The following DENND4C variants were observed in gnomAD, a reference collection of about 807,000 sequenced individuals.
DENND4C encodes the protein DENN domain-containing protein 4C.
DENND4C carries 108 observed loss-of-function variants against 203.0 expected under a neutral mutation model. The observed-to-expected ratio is 0.53, with a 90% CI of 0.46 to 0.62. The LOEUF (loss-of-function observed/expected upper bound fraction) is 0.62. DENND4C is among the 20% of genes least tolerant of loss of function. DENND4C has a pLI of 0.00. For missense variants in DENND4C, 2,481 were observed against 2,301.2 expected (o/e 1.08, Z -1.60); for synonymous variants, 871 against 792.4 (o/e 1.10, Z -1.67).
At position 19,373,993 on chromosome 9, in the gene DENND4C, T is replaced by C. The variant is rs1298543057; in HGVS notation, c.*1820T>C. On this transcript the variant is annotated 3_prime_UTR_variant, in exon 33 of 33. Transcript: ENST00000434457. ...TTTCATTACCTTCAAAATGGATCTT[T>C]TGCACTGTCTGAGAGTATATATTTT... 6.6e-6 allele frequency among the ~76,000 whole-genome samples: 1 copy of C among 152,184 alleles called. No individual in the cohort carries two copies. The highest frequency in any genetic ancestry group is 2.4e-5 in the African/African-American group (1 of 41,462).
intron 10 of DENND4C, among the ~76,000 whole-genome samples, chr9:19,312,366 G>C (rs145901196): frequency 6.6e-6 from 1 of 152,134 alleles, no homozygotes; most frequent in Non-Finnish European, 1.5e-5. Flanking sequence ...GCCTCCCAAA[G>C]TGCTGGGATT....
Position 19,299,733 on chromosome 9 carries a change from C to A in DENND4C, c.1166+446C>A, listed in dbSNP as rs73645587. Among the ~76,000 whole-genome samples, 1,091 of 152,236 alleles carry A rather than the reference C, an allele frequency of 7.2e-3. 9 individuals are homozygous for A. The highest frequency in any genetic ancestry group is 0.025 in the African/African-American group (1,018 of 41,538). ...TATCTTCCTTTAGTTCTTTATCCAC[C>A]CTGTAGCCAGTGTGTCCTTTTGAAA... On this transcript the variant is annotated intron_variant, in intron 8 of 32. Coordinates refer to ENST00000434457, the MANE Select transcript of DENND4C (RefSeq NM_001330640.2).
intron 1 of DENND4C, among the ~76,000 whole-genome samples, chr9:19,257,522 C>G (rs1292608910): frequency 1.3e-5 from 2 of 151,918 alleles, no homozygotes; most frequent in Admixed American, 1.3e-4. Context: ...AAATTAAACT[C>G]TACATAAGCA....
intron 1 of DENND4C, among the ~76,000 whole-genome samples, chr9:19,265,903 A>T (rs1237011649): frequency 6.6e-6 from 1 of 152,182 alleles, no homozygotes; most frequent in Non-Finnish European, 1.5e-5. Flanking sequence ...GAATAGTGCC[A>T]CAGTAAACAT....
chr9:19,360,054 G>T (rs1474551247), intron 28 of DENND4C, among the ~76,000 whole-genome samples, 190 bp from the exon 29 acceptor site: 1 of 152,054 alleles, frequency 6.6e-6, no homozygotes, highest in East Asian at 1.9e-4. Context: ...CTTTTGTAAT[G>T]ATTTAACTTA....
intron 32 of DENND4C, 79 bp from the exon 33 acceptor site, chr9:19,371,958 T>G: frequency 6.9e-7 from 1 of 1,445,446 alleles, no homozygotes; most frequent in Non-Finnish European, 9.5e-7. Context: ...ACATATAATT[T>G]GACTCAATAC....
At chr9:19,248,352 C>T (rs1176363954) in intron 1 of DENND4C, among the ~76,000 whole-genome samples, 2 of 151,960 alleles carry the variant, frequency 1.3e-5, no homozygotes, top group African/African-American at 4.8e-5. Context: ...GATTTGCTTG[C>T]TCCTTCATGC....
At chr9:19,261,840 C>A (rs1472055172) in intron 1 of DENND4C, among the ~76,000 whole-genome samples, 1 of 151,828 alleles carries the variant, frequency 6.6e-6, no homozygotes, top group Non-Finnish European at 1.5e-5. Context: ...TCTTTAATTT[C>A]TTGCATCAAT....
At chr9:19,265,682 C>T (rs1414365311) in intron 1 of DENND4C, among the ~76,000 whole-genome samples, 1 of 152,128 alleles carries the variant, frequency 6.6e-6, no homozygotes, top group African/African-American at 2.4e-5. Context: ...CAATTCCCAC[C>T]TATAAGTGAG....
chr9:19,242,170 T>C (rs943043614), intron 1 of DENND4C, among the ~76,000 whole-genome samples: 2 of 152,208 alleles, frequency 1.3e-5, no homozygotes, highest in African/African-American at 4.8e-5. Flanking sequence ...ATTGAAATCA[T>C]ATAGTATGTA....
chr9:19,282,134 T>C (rs1834171659), intron 2 of DENND4C, among the ~76,000 whole-genome samples: 1 of 141,562 alleles, frequency 7.1e-6, no homozygotes, highest in Non-Finnish European at 1.6e-5. Context: ...TTTTGATTCT[T>C]TTGTAATAAT....
intron 30 of DENND4C, among the ~76,000 whole-genome samples, chr9:19,369,217 C>A (rs975114762): frequency 6.6e-6 from 1 of 152,138 alleles, no homozygotes; most frequent in African/African-American, 2.4e-5. Context: ...TAGACAACTC[C>A]TCTGTCATCA....
intron 31 of DENND4C, among the ~76,000 whole-genome samples, chr9:19,371,120 G>A (rs1004922904): frequency 3.4e-5 from 5 of 147,696 alleles, no homozygotes; most frequent in South Asian, 2.2e-4. Flanking sequence ...TCAGCCTTAC[G>A]TCTTTTTTTT....
intron 1 of DENND4C, among the ~76,000 whole-genome samples, 158 bp downstream of exon 1, chr9:19,230,991 C>T (rs1384318141): frequency 2.6e-5 from 4 of 152,202 alleles, no homozygotes; most frequent in Non-Finnish European, 4.4e-5. Flanking sequence ...CGGAGAGTGG[C>T]CGCGGCTGGC....
chr9:19,271,108 A>C (rs1192220175), intron 1 of DENND4C, among the ~76,000 whole-genome samples: 1 of 152,136 alleles, frequency 6.6e-6, no homozygotes, highest in South Asian at 2.1e-4. Context: ...AACCTTGTTC[A>C]TGGATTAGAA....
At chr9:19,234,180 T>C (rs1333993310) in intron 1 of DENND4C, among the ~76,000 whole-genome samples, 1 of 152,180 alleles carries the variant, frequency 6.6e-6, no homozygotes, top group Non-Finnish European at 1.5e-5. Context: ...TTTAACCATT[T>C]CCATAGCTTA....
intron 13 of DENND4C, among the ~76,000 whole-genome samples, chr9:19,325,258 G>A (rs1843535906): frequency 6.6e-6 from 1 of 151,814 alleles, no homozygotes; most frequent in Non-Finnish European, 1.5e-5. Context: ...TCTAATGGAG[G>A]GTGGAAATAC....
chr9:19,257,370 A>AAG (rs1554711680), intron 1 of DENND4C, among the ~76,000 whole-genome samples: 19 of 151,088 alleles, frequency 1.3e-4, no homozygotes, highest in African/African-American at 4.4e-4. Context: ...AAAAAAAAAA[A>AAG]GAAAACACAA....
intron 1 of DENND4C, among the ~76,000 whole-genome samples, chr9:19,236,142 G>A (rs554851906): frequency 3.0e-4 from 45 of 151,780 alleles, no homozygotes; most frequent in African/African-American, 9.7e-4. Flanking sequence ...TTTAAATTAT[G>A]GAAAGAGGAT....
Sources: allele counts gnomAD v4.1 joint callset (sites outside exome capture counted in the v4.1 genomes callset), GRCh38; gene constraint gnomAD v4.1.1; transcripts MANE v1.5; gene names NCBI Gene and HGNC (gene_info 2026-07-23, HGNC 2026-07-21).